Variants in ALG5 observed in about 807,000 individuals in gnomAD.
The protein encoded by ALG5 is ALG5 dolichyl-phosphate beta-glucosyltransferase.
A neutral mutation model predicts 51.8 loss-of-function variants in ALG5; 26 were observed. The observed-to-expected ratio is 0.50, with a 90% CI of 0.37 to 0.70. The LOEUF is 0.70. Among genes scored for constraint, ALG5 ranks in the 30% least tolerant of loss-of-function variants. The pLI is 0.00. For synonymous variants in ALG5, 141 were observed against 136.1 expected (o/e 1.04, Z -0.25); for missense variants, 311 against 399.3 (o/e 0.78, Z 1.88).
intron 6 of ALG5, among the ~76,000 whole-genome samples, chr13:36,975,763 G>A (rs1309963583): frequency 6.6e-6 from 1 of 152,012 alleles, no homozygotes; most frequent in Non-Finnish European, 1.5e-5. Flanking sequence ...TTCTTTACCT[G>A]TAATCCAAGT....
At chr13:36,961,673 T>A (rs9532001) in intron 8 of ALG5, among the ~76,000 whole-genome samples, 3 of 152,116 alleles carry the variant, frequency 2.0e-5, no homozygotes, top group Admixed American at 6.5e-5. Flanking sequence ...TTACTTAAAA[T>A]TTTTTAATCT....
intron 8 of ALG5, among the ~76,000 whole-genome samples, chr13:36,959,709 A>G (rs181888491): frequency 4.1e-4 from 63 of 152,256 alleles, no homozygotes; most frequent in African/African-American, 1.5e-3. Context: ...TCCATTTTGA[A>G]TGACTATAAT....
At chr13:36,953,435 A>G (rs1325940361) in intron 8 of ALG5, among the ~76,000 whole-genome samples, 1 of 152,186 alleles carries the variant, frequency 6.6e-6, no homozygotes, top group Non-Finnish European at 1.5e-5. Flanking sequence ...AATTTCTCTG[A>G]ACTAGTTGCT....
intron 6 of ALG5, among the ~76,000 whole-genome samples, chr13:36,974,871 C>T (rs2058942876): frequency 6.6e-6 from 1 of 152,078 alleles, no homozygotes; most frequent in South Asian, 2.1e-4. Flanking sequence ...CAAATTTGCC[C>T]AATTCTCTCT....
intron 5 of ALG5, among the ~76,000 whole-genome samples, chr13:36,986,319 C>T (rs956504908): frequency 4.6e-5 from 7 of 152,130 alleles, no homozygotes; most frequent in Admixed American, 4.6e-4. Flanking sequence ...TTTGAAACAG[C>T]AAAATTATGC....
At chr13:36,966,072 C>T (rs1466954512) in intron 7 of ALG5, among the ~76,000 whole-genome samples, 1 of 152,120 alleles carries the variant, frequency 6.6e-6, no homozygotes, top group Non-Finnish European at 1.5e-5. Flanking sequence ...TGCTTTGCCC[C>T]ACATGTATTT....
chr13:36,979,707 T>C (rs1229391433), intron 6 of ALG5, among the ~76,000 whole-genome samples: 2 of 152,190 alleles, frequency 1.3e-5, no homozygotes, highest in African/African-American at 2.4e-5. Flanking sequence ...TCTAGTCATC[T>C]GTGGGCTTAA....
chr13:36,991,243 C>T (rs959589241), intron 4 of ALG5, among the ~76,000 whole-genome samples: 1 of 152,160 alleles, frequency 6.6e-6, no homozygotes, highest in African/African-American at 2.4e-5. Context: ...TAAGACTCAG[C>T]CAAACACCAT....
At chr13:36,955,598 G>A (rs1457501872) in intron 8 of ALG5, among the ~76,000 whole-genome samples, 2 of 131,824 alleles carry the variant, frequency 1.5e-5, no homozygotes, top group Non-Finnish European at 3.1e-5. Context: ...ATCAAAACTA[G>A]AAAAGAAGAG....
At chr13:36,957,252 A>C (rs1272199458) in intron 8 of ALG5, among the ~76,000 whole-genome samples, 3 of 151,506 alleles carry the variant, frequency 2.0e-5, no homozygotes, top group Non-Finnish European at 2.9e-5. Flanking sequence ...ACAGGCCATT[A>C]CCAGGAGAAC....
intron 7 of ALG5, among the ~76,000 whole-genome samples, chr13:36,970,669 T>A (rs2058918482): frequency 6.6e-6 from 1 of 151,992 alleles, no homozygotes; most frequent in African/African-American, 2.4e-5. Context: ...TCCCAGCACT[T>A]TGGGAGGCCA....
intron 2 of ALG5, among the ~76,000 whole-genome samples, 167 bp from the exon 3 acceptor site, chr13:36,995,202 T>C (rs901954918): frequency 1.3e-5 from 2 of 152,210 alleles, no homozygotes; most frequent in African/African-American, 4.8e-5. Flanking sequence ...AATGTGCTTA[T>C]TACCTCTCTA....
intron 8 of ALG5, among the ~76,000 whole-genome samples, chr13:36,964,997 A>G (rs1197268280): frequency 1.3e-5 from 2 of 151,922 alleles, no homozygotes; most frequent in Non-Finnish European, 2.9e-5. Flanking sequence ...GGGAAGCAAG[A>G]AAACAAAGCC....
rs57014371 is a variant in ALG5, at chr13:36,969,061, A to G, written c.621+2916T>C. On this transcript the variant is annotated intron_variant, in intron 7 of 9. Coordinates refer to ENST00000239891, the MANE Select transcript of ALG5 (RefSeq NM_013338.5). ...CTTGGTTTTAGAGCTGAAAGAATGG[A>G]TGGATGGAGACAAGATGAATTATAA... is the stretch of plus-strand genomic sequence containing the variant. 9.9e-3 allele frequency among the ~76,000 whole-genome samples: 1,511 copies of G among 152,330 alleles called. 22 individuals are homozygous for G. Among genetic ancestry groups the G allele is most frequent in the African/African-American group, 0.035 (1,439 of 41,572 alleles).
chr13:36,976,973 T>A (rs1172494947), intron 6 of ALG5, among the ~76,000 whole-genome samples: 1 of 152,154 alleles, frequency 6.6e-6, no homozygotes, highest in Non-Finnish European at 1.5e-5. Context: ...AACATACTTC[T>A]CCATTTCAAA....
rs147714498 is a variant in ALG5, at chr13:36,995,485, A to G, written c.178T>C (p.Trp60Arg). The G allele has an allele frequency of 3.2e-4, 512 of 1,611,486 alleles. 2 individuals carry two copies. In the African/African-American group the frequency reaches 6.1e-3, roughly 19 times the overall value. The change falls in exon 2 of 10, where the codon TGG becomes CGG. Residue 60 changes from tryptophan to arginine, a missense_variant. Transcript: ENST00000239891. Reference protein sequence around the residue: ...KGQKETLPSIWDSPTKQLSVV... With the variant: ...KGQKETLPSIRDSPTKQLSVV... ...GAAAGTTGTTTGGTAGGTGAGTCCC[A>G]TATGCTGGGTAAAGTTTCTTTCTGG...
chr13:36,995,171 G>A (rs2138831476), intron 2 of ALG5, 136 bp from the exon 3 acceptor site: 1 of 827,658 alleles, frequency 1.2e-6, no homozygotes, highest in East Asian at 2.6e-5. Flanking sequence ...ATTCCCATCT[G>A]AAATCCTGCC....
intron 8 of ALG5, among the ~76,000 whole-genome samples, chr13:36,961,185 GT>G (rs2058865042): frequency 1.3e-5 from 2 of 152,098 alleles, no homozygotes; most frequent in South Asian, 4.1e-4. Flanking sequence ...GGAGGCTGAG[GT>G]GGGAGGATCA....
intron 8 of ALG5, among the ~76,000 whole-genome samples, chr13:36,959,401 TA>T (rs1344544208): frequency 6.6e-6 from 1 of 152,232 alleles, no homozygotes; most frequent in Non-Finnish European, 1.5e-5. Flanking sequence ...TAGCTTGATT[TA>T]ATTATGCTAC....
Sources: gnomAD v4.1 joint callset for allele counts (sites outside exome capture counted in the v4.1 genomes callset) on GRCh38, gnomAD v4.1.1 for gene constraint, MANE v1.5 for transcripts, NCBI Gene and HGNC (gene_info 2026-07-23, HGNC 2026-07-21) for gene names.